Variants in DAB1 observed in about 807,000 individuals in gnomAD.
The protein encoded by DAB1 is DAB adaptor protein 1, also known as disabled homolog 1.
In DAB1, 15 loss-of-function variants were observed where a neutral mutation model predicts 64.6. The ratio of observed to expected loss-of-function variants is 0.23; its 90% CI spans 0.16 to 0.36. DAB1 has a LOEUF of 0.36. DAB1 is among the 10% of genes least tolerant of loss of function. The pLI is 1.00. For synonymous variants in DAB1, 235 were observed against 251.9 expected (o/e 0.93, Z 0.64); for missense variants, 596 against 706.7 (o/e 0.84, Z 1.78).
intron 1 of DAB1, among the ~76,000 whole-genome samples, chr1:57,302,578 G>A (rs1673755189): frequency 6.6e-6 from 1 of 152,028 alleles, no homozygotes; most frequent in African/African-American, 2.4e-5. Context: ...TTGGTTTGAG[G>A]TGCAACATGG....
At chr1:58,298,517 T>C (rs1662043583) in intron 4 of DAB1, among the ~76,000 whole-genome samples, 1 of 152,250 alleles carries the variant, frequency 6.6e-6, no homozygotes, top group Non-Finnish European at 1.5e-5. Flanking sequence ...AGTCACAACA[T>C]GTACAGCCTG....
At chr1:58,118,322 G>A (rs1443382242) in intron 5 of DAB1, among the ~76,000 whole-genome samples, 1 of 149,218 alleles carries the variant, frequency 6.7e-6, no homozygotes, top group African/African-American at 2.5e-5. Flanking sequence ...GTTAGAATAG[G>A]CTATAGCGCA....
intron 2 of DAB1, 101 bp from the exon 3 acceptor site, chr1:57,145,530 C>T: frequency 1.6e-6 from 2 of 1,266,658 alleles, no homozygotes; most frequent in South Asian, 2.9e-5. Context: ...CATCTACATT[C>T]CCGGAAAGTC....
intron 1 of DAB1, among the ~76,000 whole-genome samples, chr1:57,416,286 T>C (rs1684486874): frequency 6.6e-6 from 1 of 152,202 alleles, no homozygotes; most frequent in Admixed American, 6.5e-5. Flanking sequence ...AAAGAGATGC[T>C]TCTGTTGGCA....
chr1:57,379,824 C>T (rs1055444286), intron 1 of DAB1, among the ~76,000 whole-genome samples: 1 of 152,218 alleles, frequency 6.6e-6, no homozygotes, highest in African/African-American at 2.4e-5. Flanking sequence ...ATCCAACCTT[C>T]ATGAAGAAGA....
chr1:57,402,271 G>A (rs1683306752), intron 1 of DAB1, among the ~76,000 whole-genome samples: 1 of 152,178 alleles, frequency 6.6e-6, no homozygotes, highest in African/African-American at 2.4e-5. Context: ...TTATAAGGCT[G>A]AGCAAGAGCA....
intron 6 of DAB1, among the ~76,000 whole-genome samples, chr1:57,767,180 T>G (rs923961581): frequency 6.6e-6 from 1 of 152,090 alleles, no homozygotes; most frequent in Non-Finnish European, 1.5e-5. Context: ...GTGCTGAAAA[T>G]TCCAAACCTT....
intron 4 of DAB1, among the ~76,000 whole-genome samples, chr1:58,277,037 C>CTTTTTTTTTT (rs869207396): frequency 1.0e-4 from 8 of 79,652 alleles, no homozygotes; most frequent in Middle Eastern, 7.5e-3. Context: ...CTTTTTTTTT[C>CTTTTTTTTTT]TTTTTTTTTT....
chr1:57,279,894 A>T (rs539617462), intron 2 of DAB1, among the ~76,000 whole-genome samples: 189 of 152,310 alleles, frequency 1.2e-3, no homozygotes, highest in African/African-American at 4.4e-3. Flanking sequence ...TAACTATACA[A>T]CATATTTTAT....
At position 57,643,822 on chromosome 1, in the gene DAB1, G is replaced by A. The variant is rs557545497; in HGVS notation, n.625+5770C>T. On this transcript the variant is annotated intron_variant and non_coding_transcript_variant, in intron 7 of 20. Transcript: ENST00000485760. ...TGGGCTAATCCGAGACTGGGTAGTC[G>A]GATTCAAGTTTGAAGGACCTCAAAC... Among the ~76,000 whole-genome samples the A allele has an allele frequency of 4.6e-5, 7 of 152,256 alleles. No individual in the cohort carries two copies. The South Asian group carries it at 1.0e-3, about 23-fold the overall frequency.
chr1:57,497,763 A>G (rs887775586), intron 7 of DAB1, among the ~76,000 whole-genome samples: 4 of 152,230 alleles, frequency 2.6e-5, no homozygotes, highest in African/African-American at 9.6e-5. Context: ...GGAGGAATAG[A>G]TAGAAGTCAG....
chr1:57,246,281 C>T (rs1482923046), intron 2 of DAB1, among the ~76,000 whole-genome samples: 2 of 152,216 alleles, frequency 1.3e-5, no homozygotes, highest in African/African-American at 4.8e-5. Context: ...CTGCTCTGTG[C>T]AGCCTTGGGA....
chr1:57,291,628 G>T (rs1672783396), intron 1 of DAB1, among the ~76,000 whole-genome samples: 1 of 152,156 alleles, frequency 6.6e-6, no homozygotes, highest in African/African-American at 2.4e-5. Flanking sequence ...ATCAGAGGGG[G>T]CATGGAGTTG....
chr1:58,011,876 A>T (rs1003458098), intron 5 of DAB1, among the ~76,000 whole-genome samples: 1 of 152,192 alleles, frequency 6.6e-6, no homozygotes, highest in Admixed American at 6.6e-5. Context: ...TTTTTAGTAG[A>T]GACAGGGTTT....
Position 56,995,489 on chromosome 1 carries a change from C to T in DAB1, c.*2655G>A, listed in dbSNP as rs561183500. ...TTACTTTAATGCATCACTTGGGCAT[C>T]TATCTTCTTGAAGTTCAGAGCCAGT... On this transcript the variant is annotated 3_prime_UTR_variant, in exon 15 of 15. Coordinates refer to ENST00000371236, the MANE Select transcript of DAB1 (RefSeq NM_001365792.1). 3 of 152,322 alleles carry T rather than the reference C, an allele frequency of 2.0e-5. No homozygotes were observed. Among genetic ancestry groups the T allele is most frequent in the African/African-American group, 4.8e-5 (2 of 41,566 alleles). The allele number at this position is 152,322 out of a possible 1,614,324, so 9.4% of individuals were successfully genotyped here.
At chr1:57,623,120 G>A (rs578056831) in intron 7 of DAB1, among the ~76,000 whole-genome samples, 6 of 152,050 alleles carry the variant, frequency 3.9e-5, no homozygotes, top group East Asian at 1.9e-4. Flanking sequence ...TTTGAAATCC[G>A]TGTTGGCATG....
At chr1:58,082,317 A>G (rs1369923019) in intron 5 of DAB1, among the ~76,000 whole-genome samples, 1 of 152,206 alleles carries the variant, frequency 6.6e-6, no homozygotes, top group Non-Finnish European at 1.5e-5. Context: ...GAAAAACAAA[A>G]GATCATCTAT....
chr1:57,211,329 A>C (rs1431198282), intron 2 of DAB1, among the ~76,000 whole-genome samples: 1 of 152,188 alleles, frequency 6.6e-6, no homozygotes, highest in Admixed American at 6.5e-5. Flanking sequence ...GGATATGGCC[A>C]CACAGAGGCC....
intron 5 of DAB1, among the ~76,000 whole-genome samples, chr1:58,064,713 TTATG>T (rs1333691711): frequency 1.1e-4 from 11 of 98,666 alleles, no homozygotes; most frequent in African/African-American, 4.5e-4. Flanking sequence ...ATTTATGTAT[TTATG>T]TATTTATTTA....
Sources: allele counts gnomAD v4.1 joint callset (sites outside exome capture counted in the v4.1 genomes callset), GRCh38; gene constraint gnomAD v4.1.1; transcripts MANE v1.5; gene names NCBI Gene and HGNC (gene_info 2026-07-23, HGNC 2026-07-21).